SORCS2: variants seen among roughly 807,000 people sequenced by gnomAD.
SORCS2 encodes sortilin related VPS10 domain containing receptor 2, also known as VPS10 domain-containing receptor SorCS2.
A neutral mutation model predicts 141.6 loss-of-function variants in SORCS2; 100 were observed. That is an observed-to-expected ratio of 0.71 (90% CI 0.60 to 0.83). SORCS2 has a LOEUF of 0.83. Among genes scored for constraint, SORCS2 ranks in the 40% least tolerant of loss-of-function variants. The probability of loss-of-function intolerance (pLI) is 0.00; values close to 1 mark genes in which losing one functional copy is unlikely to be tolerated. For synonymous variants in SORCS2, 789 were observed against 676.9 expected (o/e 1.17, Z -2.57); for missense variants, 1,646 against 1,560.2 (o/e 1.05, Z -0.93).
At chr4:7,547,426 C>A (rs1306545612) in intron 3 of SORCS2, among the ~76,000 whole-genome samples, 1 of 152,232 alleles carries the variant, frequency 6.6e-6, no homozygotes, top group African/African-American at 2.4e-5. Context: ...ATGTCGGTTA[C>A]TGCAAAATCC....
At chr4:7,397,526 CG>C (rs1724292326) in intron 2 of SORCS2, among the ~76,000 whole-genome samples, 1 of 152,092 alleles carries the variant, frequency 6.6e-6, no homozygotes, top group Admixed American at 6.5e-5. Flanking sequence ...CACCAGAAAA[CG>C]GGGGGTGAGT....
chr4:7,381,874 G>A, intron 1 of SORCS2: 2 of 984,724 alleles, frequency 2.0e-6, no homozygotes, highest in Non-Finnish European at 2.4e-6. Context: ...AGTACAGTGG[G>A]GCAGGCCACA....
intron 8 of SORCS2, among the ~76,000 whole-genome samples, chr4:7,674,019 G>C (rs548740566): frequency 1.0e-3 from 158 of 152,320 alleles, no homozygotes; most frequent in African/African-American, 3.7e-3. Context: ...AGGGAGGAAG[G>C]GGGAGCTGAG....
At position 7,357,218 on chromosome 4, in the gene SORCS2, C is replaced by T. The variant is rs746151426; in HGVS notation, c.481-39070C>T. Among the ~76,000 whole-genome samples, 4 of 152,236 alleles carry T rather than the reference C, an allele frequency of 2.6e-5. 1 individual carries two copies. The highest frequency in any genetic ancestry group is 6.8e-3 in the Middle Eastern group (2 of 294). On this transcript the variant is annotated intron_variant, in intron 1 of 26. Transcript: ENST00000507866. ...GTCTCTGATGCCTGCCCCGGGGACT[C>T]GGGAGGGACCAGCTCAACTCTGCCT... is the stretch of plus-strand genomic sequence containing the variant.
At chr4:7,458,922 A>G (rs181337336) in intron 2 of SORCS2, among the ~76,000 whole-genome samples, 18 of 152,250 alleles carry the variant, frequency 1.2e-4, no homozygotes, top group Admixed American at 3.9e-4. Flanking sequence ...CTGTGGGACC[A>G]TGTGTGCAAA....
intron 2 of SORCS2, chr4:7,434,154 G>T (rs779467471): frequency 9.9e-6 from 16 of 1,613,872 alleles, no homozygotes; most frequent in Non-Finnish European, 1.2e-5. Flanking sequence ...CCTGCGGGGG[G>T]AGAAGCCTCA....
At chr4:7,710,043 A>G (rs1253449455) in intron 14 of SORCS2, among the ~76,000 whole-genome samples, 1 of 152,164 alleles carries the variant, frequency 6.6e-6, no homozygotes, top group Non-Finnish European at 1.5e-5. Context: ...CTGAGGGTTG[A>G]GGTTTCATAA....
At chr4:7,511,072 C>T (rs961365466) in intron 2 of SORCS2, among the ~76,000 whole-genome samples, 1 of 152,058 alleles carries the variant, frequency 6.6e-6, no homozygotes. Flanking sequence ...TATCTCAGGG[C>T]GGAAGAGGAT....
chr4:7,229,685 A>G (rs1390160351), intron 1 of SORCS2, among the ~76,000 whole-genome samples: 1 of 152,260 alleles, frequency 6.6e-6, no homozygotes. Context: ...TGGGTGTTCC[A>G]GGGTCGTGGG....
At chr4:7,467,737 C>T (rs767102438) in intron 2 of SORCS2, among the ~76,000 whole-genome samples, 1 of 152,220 alleles carries the variant, frequency 6.6e-6, no homozygotes, top group Non-Finnish European at 1.5e-5. Context: ...TCAGCGGCCA[C>T]TGCCACAAAA....
At chr4:7,350,609 C>T (rs560751128) in intron 1 of SORCS2, among the ~76,000 whole-genome samples, 1 of 152,326 alleles carries the variant, frequency 6.6e-6, no homozygotes, top group East Asian at 1.9e-4. Flanking sequence ...AAGGCCAGGA[C>T]TCCCGGCAGG....
At position 7,740,267 on chromosome 4, in the gene SORCS2, C is replaced by G. The variant is rs561177596; in HGVS notation, c.*3C>G. 22 of 1,608,022 alleles carry G rather than the reference C, an allele frequency of 1.4e-5. No homozygotes were observed. The East Asian group carries it at 3.1e-4, about 23-fold the overall frequency. On this transcript the variant is annotated 3_prime_UTR_variant, in exon 27 of 27. Transcript: ENST00000507866. ...TGCACAGCTACCTGGTGAGCTGATG[C>G]CACCCCAGCATCTGTCTTTTCACCC...
At chr4:7,449,832 G>T (rs140295755) in intron 2 of SORCS2, among the ~76,000 whole-genome samples, 1 of 152,162 alleles carries the variant, frequency 6.6e-6, no homozygotes, top group African/African-American at 2.4e-5. Context: ...TCATGCCTAG[G>T]GTTCCCAGGA....
At chr4:7,708,132 G>A (rs1055370141) in intron 14 of SORCS2, among the ~76,000 whole-genome samples, 1 of 152,174 alleles carries the variant, frequency 6.6e-6, no homozygotes, top group African/African-American at 2.4e-5. Context: ...CTGTAGCATG[G>A]GGACTTAAAC....
chr4:7,620,153 C>T (rs183680909), intron 3 of SORCS2, among the ~76,000 whole-genome samples: 26 of 152,106 alleles, frequency 1.7e-4, no homozygotes, highest in Non-Finnish European at 3.4e-4. Flanking sequence ...CTGCGGATTG[C>T]GATCTTTTGG....
chr4:7,374,041 A>C (rs1577462801), intron 1 of SORCS2, among the ~76,000 whole-genome samples: 2 of 152,054 alleles, frequency 1.3e-5, no homozygotes, highest in Admixed American at 1.3e-4. Context: ...ACAGTTTCAG[A>C]GTCTACATTT....
chr4:7,336,905 C>T (rs76368871), intron 1 of SORCS2, among the ~76,000 whole-genome samples: 1 of 152,286 alleles, frequency 6.6e-6, no homozygotes, highest in Non-Finnish European at 1.5e-5. Flanking sequence ...AGATCCTGGA[C>T]TTGTCCCTGA....
rs555187856 is a variant in SORCS2 at position 7,238,501 on chromosome 4, G to A, written c.480+45375G>A. 3.9e-4 allele frequency among the ~76,000 whole-genome samples: 59 copies of A among 152,346 alleles called. 1 individual carries two copies. Among genetic ancestry groups the A allele is most frequent in the African/African-American group, 1.3e-3 (56 of 41,576 alleles). On this transcript the variant is annotated intron_variant, in intron 1 of 26. Coordinates refer to ENST00000507866, the MANE Select transcript of SORCS2 (RefSeq NM_020777.3). ...CAGTTCTCACTGGTCACTGGGTGGC[G>A]CTGTGAGCTCAGAGCAGCTTGGTTG...
intron 25 of SORCS2, among the ~76,000 whole-genome samples, chr4:7,735,582 G>A (rs949013438): frequency 1.3e-5 from 2 of 152,170 alleles, no homozygotes; most frequent in Non-Finnish European, 2.9e-5. Context: ...GTGACTTCTG[G>A]TGGGGATCCT....
Sources: allele counts gnomAD v4.1 joint callset (sites outside exome capture counted in the v4.1 genomes callset), GRCh38; gene constraint gnomAD v4.1.1; transcripts MANE v1.5; gene names NCBI Gene and HGNC (gene_info 2026-07-23, HGNC 2026-07-21).